ROPN1: variants seen among roughly 807,000 people sequenced by gnomAD.
ROPN1 encodes ropporin-1A.
A neutral mutation model predicts 20.5 loss-of-function variants in ROPN1; 14 were observed. The observed-to-expected ratio is 0.68, with a 90% CI of 0.45 to 1.07. The LOEUF (loss-of-function observed/expected upper bound fraction) is 1.07. Ranked by LOEUF, ROPN1 falls within the 50% of genes least tolerant of loss-of-function variation. The pLI is 0.00. For synonymous variants in ROPN1, 76 were observed against 95.7 expected (o/e 0.79, Z 1.20); for missense variants, 169 against 242.8 (o/e 0.70, Z 2.02).
intron 1 of ROPN1, among the ~76,000 whole-genome samples, chr3:123,982,147 G>C (rs1440679236): frequency 6.6e-6 from 1 of 152,068 alleles, no homozygotes. Flanking sequence ...TAAAAGTTAA[G>C]GTAGACATAC....
intron 1 of ROPN1, among the ~76,000 whole-genome samples, chr3:123,987,640 T>C (rs2038294377): frequency 6.6e-6 from 1 of 152,252 alleles, no homozygotes; most frequent in African/African-American, 2.4e-5. Flanking sequence ...TCAACTGTGT[T>C]TCACAGAAGC....
At chr3:123,979,189 G>T in intron 2 of ROPN1, 1 of 237,800 alleles carries the variant, frequency 4.2e-6, no homozygotes, top group Non-Finnish European at 8.4e-6. Context: ...CCTTCCAATT[G>T]TAAAAGCTAC....
chr3:123,977,670 C>CTG (rs2038052010), intron 2 of ROPN1, among the ~76,000 whole-genome samples: 1 of 152,212 alleles, frequency 6.6e-6, no homozygotes, highest in Non-Finnish European at 1.5e-5. Context: ...GCAGGGCAGC[C>CTG]TGCAAGGCTC....
rs1436986341 is a variant in ROPN1 at position 123,991,830 on chromosome 3, G to A, written c.-13+92C>T. On this transcript the variant is annotated intron_variant, in intron 1 of 5. Coordinates refer to ENST00000405845, the MANE Select transcript of ROPN1 (RefSeq NM_001317774.2). ...GAACAAGGAGAGGCTCAGAATCCAGGGGGCGTCCGGCAGGGCTCCTCCCTC... is the reference window on the plus strand; with the variant it reads ...GAACAAGGAGAGGCTCAGAATCCAGAGGGCGTCCGGCAGGGCTCCTCCCTC... 3 of 152,198 alleles carry A rather than the reference G, an allele frequency of 2.0e-5. No homozygotes were observed. In the South Asian group the frequency reaches 6.2e-4, roughly 32 times the overall value. The allele number at this position is 152,198 out of a possible 1,614,324, so 9.4% of individuals were successfully genotyped here. A position where few individuals can be genotyped will look rare whatever the true frequency, so the allele number is the denominator to read the frequency against.
At chr3:123,980,009 A>T in intron 2 of ROPN1, 1 of 490,892 alleles carries the variant, frequency 2.0e-6, no homozygotes, top group Non-Finnish European at 3.6e-6. Flanking sequence ...TAAGCTTCGG[A>T]GATTCCCAGC....
chr3:123,991,016 T>C (rs890582524), intron 1 of ROPN1, among the ~76,000 whole-genome samples: 11 of 152,320 alleles, frequency 7.2e-5, no homozygotes, highest in Middle Eastern at 3.4e-3. Context: ...TGCACATCCC[T>C]GTTTGGGTTT....
At chr3:123,989,870 T>G (rs565357013) in intron 1 of ROPN1, among the ~76,000 whole-genome samples, 1 of 152,256 alleles carries the variant, frequency 6.6e-6, no homozygotes, top group African/African-American at 2.4e-5. Context: ...CTGGGAAAGG[T>G]TTCTTCCTTG....
intron 1 of ROPN1, among the ~76,000 whole-genome samples, chr3:123,987,857 T>G (rs1271235721): frequency 6.6e-6 from 1 of 152,250 alleles, no homozygotes; most frequent in Admixed American, 6.5e-5. Context: ...TGTTTATTAT[T>G]TAACAAATGA....
At chr3:123,976,269 C>T (rs2038020108) in intron 3 of ROPN1, among the ~76,000 whole-genome samples, 1 of 152,174 alleles carries the variant, frequency 6.6e-6, no homozygotes, top group African/African-American at 2.4e-5. Context: ...GTTAGCCAAG[C>T]CAGTCCTAAA....
At chr3:123,972,485 GATT>G in intron 4 of ROPN1, among the ~76,000 whole-genome samples, 2 of 152,330 alleles carry the variant, frequency 1.3e-5, no homozygotes, top group South Asian at 4.1e-4. Flanking sequence ...CAGTGAACAT[GATT>G]ATTTTCTACA....
chr3:123,982,368 G>A (rs1225585745), intron 1 of ROPN1, among the ~76,000 whole-genome samples: 2 of 152,106 alleles, frequency 1.3e-5, no homozygotes, highest in Non-Finnish European at 2.9e-5. Context: ...ACATATATAT[G>A]TTATAATATT....
intron 1 of ROPN1, among the ~76,000 whole-genome samples, chr3:123,987,129 A>G (rs1224853924): frequency 6.6e-6 from 1 of 152,246 alleles, no homozygotes; most frequent in Non-Finnish European, 1.5e-5. Flanking sequence ...TGGGGTCCAC[A>G]TCAGCTGGCT....
chr3:123,985,739 G>A (rs554110824), intron 1 of ROPN1, among the ~76,000 whole-genome samples: 3 of 151,956 alleles, frequency 2.0e-5, no homozygotes, highest in Admixed American at 1.3e-4. Context: ...TTTTGGCTGG[G>A]TGCAGTGGTT....
chr3:123,976,094 A>C (rs552430358), intron 3 of ROPN1, among the ~76,000 whole-genome samples: 4 of 152,100 alleles, frequency 2.6e-5, no homozygotes, highest in Non-Finnish European at 5.9e-5. Flanking sequence ...GGTATTTTAG[A>C]GCTCTGTCAT....
intron 1 of ROPN1, among the ~76,000 whole-genome samples, chr3:123,982,726 T>C (rs1233070533): frequency 6.6e-6 from 1 of 152,210 alleles, no homozygotes; most frequent in East Asian, 1.9e-4. Flanking sequence ...TTTTACTGTG[T>C]TAAAAATACA....
intron 1 of ROPN1, among the ~76,000 whole-genome samples, chr3:123,981,666 A>C (rs575366460): frequency 6.6e-6 from 1 of 152,348 alleles, no homozygotes; most frequent in Non-Finnish European, 1.5e-5. Flanking sequence ...ACTAGTTCTA[A>C]GTTTTCAATT....
intron 2 of ROPN1, among the ~76,000 whole-genome samples, chr3:123,977,531 C>A (rs143613174): frequency 4.6e-5 from 7 of 152,114 alleles, no homozygotes; most frequent in Non-Finnish European, 8.8e-5. Context: ...CAGAGTGAGA[C>A]CCCCATCTCT....
chr3:123,988,984 C>CTTT (rs540070634), intron 1 of ROPN1, among the ~76,000 whole-genome samples: 11 of 152,146 alleles, frequency 7.2e-5, no homozygotes, highest in Non-Finnish European at 1.3e-4. Flanking sequence ...TCAGAAAATA[C>CTTT]TTTTCAAAGA....
At chr3:123,988,017 T>A (rs1308147367) in intron 1 of ROPN1, among the ~76,000 whole-genome samples, 1 of 152,216 alleles carries the variant, frequency 6.6e-6, no homozygotes, top group Non-Finnish European at 1.5e-5. Flanking sequence ...TGCAACATGG[T>A]TCCCTGATTT....
Sources: allele counts gnomAD v4.1 joint callset (sites outside exome capture counted in the v4.1 genomes callset), GRCh38; gene constraint gnomAD v4.1.1; transcripts MANE v1.5; gene names NCBI Gene and HGNC (gene_info 2026-07-23, HGNC 2026-07-21).